The following FBXO16 variants were observed in gnomAD, a reference collection of about 807,000 sequenced individuals.
FBXO16 encodes F-box only protein 16.
A neutral mutation model predicts 41.0 loss-of-function variants in FBXO16; 31 were observed. The observed-to-expected ratio is 0.76, with a 90% CI of 0.57 to 1.02. The LOEUF (loss-of-function observed/expected upper bound fraction) is 1.02, where lower values mean the gene tolerates loss of function less well. FBXO16 is among the 50% of genes least tolerant of loss of function. FBXO16 has a pLI of 0.00. For synonymous variants in FBXO16, 133 were observed against 117.8 expected, an observed-to-expected ratio of 1.13 and a Z score of -0.84; for missense variants, 361 against 346.2, an observed-to-expected ratio of 1.04 and a Z score of -0.34.
chr8:28,444,895 T>C (rs934133558), intron 7 of FBXO16, among the ~76,000 whole-genome samples: 3 of 145,734 alleles, frequency 2.1e-5, no homozygotes, highest in Non-Finnish European at 3.0e-5. Flanking sequence ...CCTCCCAAAG[T>C]GCTGGGATTA....
intron 1 of FBXO16, among the ~76,000 whole-genome samples, chr8:28,484,701 C>G (rs1803573001): frequency 6.6e-6 from 1 of 152,216 alleles, no homozygotes; most frequent in Non-Finnish European, 1.5e-5. Flanking sequence ...ACACCATTCT[C>G]CTGCCTCAGC....
intron 3 of FBXO16, among the ~76,000 whole-genome samples, chr8:28,471,458 TTTCG>T (rs1270829929): frequency 6.6e-6 from 1 of 151,814 alleles, no homozygotes; most frequent in Non-Finnish European, 1.5e-5. Context: ...TCTTTCTTTC[TTTCG>T]AAAATGCATT....
intron 4 of FBXO16, among the ~76,000 whole-genome samples, chr8:28,457,377 C>T (rs1803055693): frequency 6.6e-6 from 1 of 152,128 alleles, no homozygotes; most frequent in African/African-American, 2.4e-5. Context: ...TTCCTTTTCC[C>T]TTGTGTATTT....
chr8:28,487,455 C>T (rs1356983399), intron 1 of FBXO16, among the ~76,000 whole-genome samples: 1 of 143,872 alleles, frequency 7.0e-6, no homozygotes, highest in African/African-American at 2.6e-5. Context: ...AGTGCAGTGG[C>T]GTGATCTCGG....
At chr8:28,447,717 G>T (rs1802888715) in intron 6 of FBXO16, among the ~76,000 whole-genome samples, 1 of 152,238 alleles carries the variant, frequency 6.6e-6, no homozygotes. Context: ...ACTTTGGGAG[G>T]CCAAGGCGGG....
chr8:28,485,127 C>G (rs912672278), intron 1 of FBXO16, among the ~76,000 whole-genome samples: 1 of 152,190 alleles, frequency 6.6e-6, no homozygotes, highest in South Asian at 2.1e-4. Flanking sequence ...AGGGCCTGCT[C>G]GCCTGATCAA....
intron 5 of FBXO16, among the ~76,000 whole-genome samples, chr8:28,452,740 G>T (rs577122351): frequency 6.6e-6 from 1 of 152,206 alleles, no homozygotes; most frequent in African/African-American, 2.4e-5. Context: ...GGCGGAGGTT[G>T]CAGTGAGCCA....
intron 4 of FBXO16, among the ~76,000 whole-genome samples, chr8:28,458,544 CTTTTTTTTTTTTT>C (rs34617439): frequency 3.4e-5 from 3 of 87,608 alleles, no homozygotes; most frequent in Admixed American, 1.5e-4. Context: ...TCTTCTTCTT[CTTTTTTTTTTTTT>C]TTTTTTTTTT....
At chr8:28,443,149 G>A (rs973368702) in intron 7 of FBXO16, among the ~76,000 whole-genome samples, 5 of 151,948 alleles carry the variant, frequency 3.3e-5, no homozygotes, top group African/African-American at 1.2e-4. Flanking sequence ...CTCCAGAGTA[G>A]CTGGAACTAC....
chr8:28,436,892 C>T (rs1802695169), intron 7 of FBXO16, among the ~76,000 whole-genome samples: 1 of 152,166 alleles, frequency 6.6e-6, no homozygotes, highest in African/African-American at 2.4e-5. Context: ...GCTGGGACCA[C>T]AGGTGTGCAC....
In FBXO16 at chr8:28,483,812, C is replaced by T. The variant is rs192639159; in HGVS notation, c.-16-350G>A. Among the ~76,000 whole-genome samples the T allele has an allele frequency of 6.5e-4, 99 of 152,214 alleles. 1 individual carries two copies. The East Asian group carries it at 0.017, about 27-fold the overall frequency. ...CCAAGATGGCACCACTGTACTCCAG[C>T]CTGGGCAGCAGAGCGAGACTCCACC... On this transcript the variant is annotated intron_variant, in intron 1 of 8. Coordinates refer to ENST00000380254, the MANE Select transcript of FBXO16 (RefSeq NM_172366.4).
At chr8:28,428,983 A>C (rs1420992469) in intron 8 of FBXO16, among the ~76,000 whole-genome samples, 1 of 152,092 alleles carries the variant, frequency 6.6e-6, no homozygotes, top group African/African-American at 2.4e-5. Flanking sequence ...TCAAGATCAC[A>C]TGTGGTAGAG....
intron 7 of FBXO16, among the ~76,000 whole-genome samples, chr8:28,442,323 A>T (rs1431645197): frequency 3.3e-5 from 5 of 152,018 alleles, no homozygotes; most frequent in African/African-American, 1.2e-4. Flanking sequence ...CATTTACATA[A>T]TTTTCATAAG....
chr8:28,457,060 T>C (rs971447091), intron 4 of FBXO16, 130 bp from the exon 5 acceptor site: 2 of 891,846 alleles, frequency 2.2e-6, no homozygotes, highest in Non-Finnish European at 3.3e-6. Context: ...CTCCAAACCA[T>C]AGCTTAAATG....
chr8:28,452,128 G>T, intron 6 of FBXO16, 116 bp downstream of exon 6: 1 of 983,320 alleles, frequency 1.0e-6, no homozygotes, highest in South Asian at 1.7e-5. Flanking sequence ...TTGCTTCTAT[G>T]TACTGAAAAG....
intron 4 of FBXO16, among the ~76,000 whole-genome samples, chr8:28,463,148 A>T (rs575941797): frequency 1.3e-5 from 2 of 150,030 alleles, no homozygotes; most frequent in Non-Finnish European, 3.0e-5. Flanking sequence ...GTGTGTGTGT[A>T]TGTTTGTGTG....
In FBXO16 at chr8:28,460,423, A is replaced by ATTT. The variant is rs1174276709; in HGVS notation, c.342+3186_342+3188dup. Reference sequence around the variant, plus strand: ...TAGGCACATGCGCTATACCTGGCTAATTTTTTTTTTTTTTTTTTTTTTGAG... The same window carrying ATTT: ...TAGGCACATGCGCTATACCTGGCTAATTTTTTTTTTTTTTTTTTTTTTTTTGAG... On this transcript the variant is annotated intron_variant, in intron 4 of 8. Transcript: ENST00000380254. 1.8e-4 allele frequency among the ~76,000 whole-genome samples: 15 copies of ATTT among 82,512 alleles called. 1 individual carries two copies. The highest frequency in any genetic ancestry group is 8.8e-4 in the African/African-American group (14 of 15,898). The allele number at this position is 82,512 out of a possible 152,430, so 54.1% of individuals were successfully genotyped here.
At chr8:28,471,428 T>C (rs1460184893) in intron 3 of FBXO16, among the ~76,000 whole-genome samples, 2 of 151,592 alleles carry the variant, frequency 1.3e-5, no homozygotes, top group African/African-American at 2.4e-5. Flanking sequence ...CCTTCCTTCC[T>C]TCCCTCCTTC....
intron 2 of FBXO16, among the ~76,000 whole-genome samples, chr8:28,480,178 T>C (rs909132476): frequency 5.3e-5 from 8 of 152,142 alleles, no homozygotes; most frequent in African/African-American, 1.4e-4. Flanking sequence ...TTTCCTCATT[T>C]CCTTTATCAT....
Sources: allele counts gnomAD v4.1 joint callset (sites outside exome capture counted in the v4.1 genomes callset), GRCh38; gene constraint gnomAD v4.1.1; transcripts MANE v1.5; gene names NCBI Gene and HGNC (gene_info 2026-07-23, HGNC 2026-07-21).